The following EDEM1 variants were observed in gnomAD, a reference collection of about 807,000 sequenced individuals.
EDEM1 encodes the protein ER degradation-enhancing alpha-mannosidase-like protein 1.
Under a neutral mutation model 74.4 loss-of-function variants are expected in EDEM1, and 67 were observed. The observed-to-expected ratio is 0.90, with a 90% CI of 0.74 to 1.10. The LOEUF (loss-of-function observed/expected upper bound fraction) is 1.10, where lower values mean the gene tolerates loss of function less well. EDEM1 is among the 50% of genes least tolerant of loss of function. The probability of loss-of-function intolerance (pLI) is 0.00; values close to 1 mark genes in which losing one functional copy is unlikely to be tolerated. For missense variants in EDEM1, 926 were observed against 851.6 expected, an observed-to-expected ratio of 1.09 and a Z score of -1.09; for synonymous variants, 382 against 335.9, an observed-to-expected ratio of 1.14 and a Z score of -1.50.
In EDEM1 at chr3:5,218,760, C is replaced by A. The variant is rs75953299; in HGVS notation, c.*2842C>A. 31,378 of 152,056 alleles carry A rather than the reference C, an allele frequency of 0.21. 3,543 individuals are homozygous for A. The highest frequency in any genetic ancestry group is 0.32 in the South Asian group (1,536 of 4,812). 9.4% of individuals were successfully genotyped at this position (152,056 alleles called of 1,614,324 possible). ...GTGACCGAGGAATCCCTTCTAGAAT[C>A]ATAGGTGGCAAGGGAGGGTTTGCTA... On this transcript the variant is annotated 3_prime_UTR_variant, in exon 12 of 12. Coordinates refer to ENST00000256497, the MANE Select transcript of EDEM1 (RefSeq NM_014674.3).
intron 11 of EDEM1, 26 bp from the exon 12 acceptor site, chr3:5,215,803 A>G: frequency 6.2e-7 from 1 of 1,603,390 alleles, no homozygotes; most frequent in Non-Finnish European, 8.5e-7. Context: ...TGAGTTTTTA[A>G]TTTTCCCTCG....
Position 5,217,147 on chromosome 3 carries a change from A to G in EDEM1, c.*1229A>G, listed in dbSNP as rs1469048801. ...AAAGGGGGATGGAAATTGCTTGGCC[A>G]GTCTTTGCCTTTCATCCTGTAAAAG... On this transcript the variant is annotated 3_prime_UTR_variant, in exon 12 of 12. Coordinates refer to ENST00000256497, the MANE Select transcript of EDEM1 (RefSeq NM_014674.3). The G allele has an allele frequency of 6.5e-6, 1 of 152,684 alleles. No homozygotes were observed. The highest frequency in any genetic ancestry group is 1.5e-5 in the Non-Finnish European group (1 of 68,048). The allele number at this position is 152,684 out of a possible 1,614,324, so 9.5% of individuals were successfully genotyped here.
Position 5,205,081 on chromosome 3 carries a change from A to G in EDEM1, c.1057A>G (p.Ile353Val). The change falls in exon 6 of 12, where the codon ATT (isoleucine) becomes GTT (valine). Residue 353 changes from isoleucine to valine, a missense_variant. Coordinates refer to ENST00000256497, the MANE Select transcript of EDEM1 (RefSeq NM_014674.3). ...DTGLLGNVVN[I>V]QTGHWVGKQS... The stretch of plus-strand genomic sequence containing the variant: ...TATTTTTGCAGGCAATGTCGTGAAC[A>G]TTCAGACGGGCCACTGGGTTGGAAA... 13 of 1,614,106 alleles carry G rather than the reference A, an allele frequency of 8.1e-6. No individual in the cohort carries two copies. The highest frequency in any genetic ancestry group is 1.1e-5 in the Non-Finnish European group (13 of 1,179,988).
At chr3:5,207,022 T>G in intron 6 of EDEM1, 131 bp from the exon 7 acceptor site, 1 of 1,255,840 alleles carries the variant, frequency 8.0e-7, no homozygotes, top group Non-Finnish European at 1.1e-6. Flanking sequence ...TCTGCAGAGG[T>G]TTAAGGAATG....
chr3:5,213,498 A>G lies in EDEM1; in HGVS notation c.1860A>G (p.Leu620=), dbSNP rs2055193303. 6.2e-7 allele frequency: 1 copy of G among 1,611,864 alleles called. No individual in the cohort carries two copies. The highest frequency in any genetic ancestry group is 8.5e-7 in the Non-Finnish European group (1 of 1,178,578). Reference sequence around the variant, plus strand: ...TGCACAGGCCGAAACCTCATGAGTTAAAAGTCATCAACTCCAGCTCCAACG... The same window carrying G: ...TGCACAGGCCGAAACCTCATGAGTTGAAAGTCATCAACTCCAGCTCCAACG... The part of the protein sequence containing the change: ...KSVHRPKPHE[L]KVINSSSNCN... The change falls in exon 11 of 12, where the codon TTA becomes TTG. Residue 620 remains leucine, a synonymous_variant. Coordinates refer to ENST00000256497, the MANE Select transcript of EDEM1 (RefSeq NM_014674.3).
intron 8 of EDEM1, among the ~76,000 whole-genome samples, chr3:5,208,975 C>T (rs940494514): frequency 6.6e-6 from 1 of 152,096 alleles, no homozygotes; most frequent in African/African-American, 2.4e-5. Context: ...GTGGTTAACT[C>T]ACCAAGAAAC....
At chr3:5,197,039 C>T (rs1315107992) in intron 2 of EDEM1, among the ~76,000 whole-genome samples, 1 of 149,596 alleles carries the variant, frequency 6.7e-6, no homozygotes. Context: ...AGTGATTCGC[C>T]TGCCTCAGCC....
intron 2 of EDEM1, among the ~76,000 whole-genome samples, chr3:5,195,870 T>C (rs752512685): frequency 2.6e-5 from 4 of 152,392 alleles, no homozygotes; most frequent in African/African-American, 4.8e-5. Flanking sequence ...TGAGCAGATA[T>C]GCAGAAGCAC....
chr3:5,209,441 C>T lies in EDEM1; in HGVS notation c.1510-734C>T, dbSNP rs898039555. Reference sequence around the variant, plus strand: ...TTTCATGTTTTCCGTTTCTCCTTCACGTTGACAGAGATGTCTTGCACTCTT... The same window carrying T: ...TTTCATGTTTTCCGTTTCTCCTTCATGTTGACAGAGATGTCTTGCACTCTT... On this transcript the variant is annotated intron_variant, in intron 8 of 11. Coordinates refer to ENST00000256497, the MANE Select transcript of EDEM1 (RefSeq NM_014674.3). Among the ~76,000 whole-genome samples, 7 of 152,184 alleles carry T rather than the reference C, an allele frequency of 4.6e-5. No homozygotes were observed. The East Asian group carries it at 9.6e-4, about 21-fold the overall frequency.
Position 5,188,199 on chromosome 3 carries a change from G to T in EDEM1, c.394G>T (p.Asp132Tyr). 1 of 1,579,380 alleles carries T rather than the reference G, an allele frequency of 6.3e-7. No individual in the cohort carries two copies. The highest frequency in any genetic ancestry group is 8.6e-7 in the Non-Finnish European group (1 of 1,164,854). ...TCCGCAGCTGCGTGCCCAGATGCGC[G>T]ACCTGGCACGGGGCATGTTCGTCTT... is the stretch of plus-strand genomic sequence containing the variant. ...FPPQLRAQMR[D>Y]LARGMFVFGY... Residue 132 changes from aspartate (D) to tyrosine (Y), a missense_variant, in exon 1 of 12, where the codon GAC (aspartate) becomes TAC (tyrosine). Physicochemically the swap from Asp to Tyr is radical, Grantham distance 160 (BLOSUM62 -3). Coordinates refer to ENST00000256497, the MANE Select transcript of EDEM1 (RefSeq NM_014674.3).
At chr3:5,191,107 A>C (rs1393276200) in intron 1 of EDEM1, among the ~76,000 whole-genome samples, 1 of 152,334 alleles carries the variant, frequency 6.6e-6, no homozygotes, top group East Asian at 1.9e-4. Flanking sequence ...CTGTTATGCT[A>C]TCGAATACTA....
chr3:5,197,183 A>G (rs150961925), intron 2 of EDEM1, among the ~76,000 whole-genome samples: 23 of 151,718 alleles, frequency 1.5e-4, no homozygotes, highest in Non-Finnish European at 3.1e-4. Flanking sequence ...AGCAGTGCAA[A>G]TGTTTGTTCA....
intron 5 of EDEM1, among the ~76,000 whole-genome samples, chr3:5,203,806 C>T (rs1169569650): frequency 6.6e-6 from 1 of 152,132 alleles, no homozygotes; most frequent in Non-Finnish European, 1.5e-5. Context: ...GATCTTGGCT[C>T]ACTGCGGCCT....
chr3:5,212,217 T>G (rs1434318595), intron 10 of EDEM1, among the ~76,000 whole-genome samples: 1 of 152,180 alleles, frequency 6.6e-6, no homozygotes, highest in African/African-American at 2.4e-5. Flanking sequence ...GAGCTGCTGG[T>G]CTAATCCATT....
At chr3:5,193,789 G>A (rs904316900) in intron 1 of EDEM1, among the ~76,000 whole-genome samples, 20 of 152,108 alleles carry the variant, frequency 1.3e-4, no homozygotes, top group Admixed American at 4.6e-4. Context: ...GTAGAGACAG[G>A]GTCTTGCCAT....
chr3:5,192,866 A>G (rs2054917684), intron 1 of EDEM1, among the ~76,000 whole-genome samples: 1 of 152,086 alleles, frequency 6.6e-6, no homozygotes, highest in African/African-American at 2.4e-5. Flanking sequence ...CAGATCTTAG[A>G]GAGGATTTGT....
rs2055260239 is a variant in EDEM1 at position 5,217,859 on chromosome 3, G to A, written c.*1941G>A. On this transcript the variant is annotated 3_prime_UTR_variant, in exon 12 of 12. Coordinates refer to ENST00000256497, the MANE Select transcript of EDEM1 (RefSeq NM_014674.3). ...TACCTTTGTCTCTGGGCAAACAGGT[G>A]GGACTGTTAGTGACCCATTTGGGAA... 1 of 152,138 alleles carries A rather than the reference G, an allele frequency of 6.6e-6. No individual in the cohort carries two copies. Among genetic ancestry groups the A allele is most frequent in the Admixed American group, 6.5e-5 (1 of 15,278 alleles). The allele number at this position is 152,138 out of a possible 1,614,324, so 9.4% of individuals were successfully genotyped here.
chr3:5,192,831 A>G (rs1181529099), intron 1 of EDEM1, among the ~76,000 whole-genome samples: 4 of 152,202 alleles, frequency 2.6e-5, no homozygotes, highest in Non-Finnish European at 4.4e-5. Context: ...GAAAGAATTA[A>G]AAGTGTTCTA....
chr3:5,194,528 T>C (rs953501617), intron 1 of EDEM1, among the ~76,000 whole-genome samples: 1 of 152,192 alleles, frequency 6.6e-6, no homozygotes. Flanking sequence ...AATGGAAAAT[T>C]GGTGTAGATT....
Sources: allele counts gnomAD v4.1 joint callset (sites outside exome capture counted in the v4.1 genomes callset), GRCh38; gene constraint gnomAD v4.1.1; transcripts MANE v1.5; gene names NCBI Gene and HGNC (gene_info 2026-07-23, HGNC 2026-07-21).